The following CDNF variants were observed in gnomAD, a reference collection of about 807,000 sequenced individuals.
CDNF encodes the protein ARMET-like protein 1.
CDNF carries 9 observed loss-of-function variants against 14.8 expected under a neutral mutation model. The observed-to-expected ratio is 0.61, with a 90% CI of 0.37 to 1.06. CDNF has a LOEUF of 1.06. Among genes scored for constraint, CDNF ranks in the 50% least tolerant of loss-of-function variants. The probability of loss-of-function intolerance (pLI) is 0.01; values close to 1 mark genes in which losing one functional copy is unlikely to be tolerated. For missense variants in CDNF, 228 were observed against 228.4 expected (o/e 1.00, Z 0.01); for synonymous variants, 86 against 87.2 (o/e 0.99, Z 0.07).
intron 2 of CDNF, among the ~76,000 whole-genome samples, chr10:14,826,686 C>T (rs1200483179): frequency 6.6e-6 from 1 of 152,164 alleles, no homozygotes; most frequent in African/African-American, 2.4e-5. Flanking sequence ...TTTCTCTGTG[C>T]CAGGTGCTGC....
chr10:14,828,704 C>G (rs1029069294), intron 1 of CDNF, among the ~76,000 whole-genome samples: 1 of 151,174 alleles, frequency 6.6e-6, no homozygotes, highest in Non-Finnish European at 1.5e-5. Context: ...GATTCCAATG[C>G]TAAGTAAGAA....
intron 3 of CDNF, among the ~76,000 whole-genome samples, chr10:14,823,606 G>T (rs971533796): frequency 6.6e-6 from 1 of 152,240 alleles, no homozygotes; most frequent in East Asian, 1.9e-4. Flanking sequence ...CAGCTCACCA[G>T]AGCCTTGACC....
Position 14,826,095 on chromosome 10 carries a change from A to G in CDNF, c.244-475T>C, listed in dbSNP as rs11598216. Reference sequence around the variant, plus strand: ...GAAGAAGAAGAAGAAGAAGAAGAAGAAGCAGCAGCAGCAGCAGCAGCAGCA... The same window carrying G: ...GAAGAAGAAGAAGAAGAAGAAGAAGGAGCAGCAGCAGCAGCAGCAGCAGCA... On this transcript the variant is annotated intron_variant, in intron 2 of 3. Transcript: ENST00000465530. Among the ~76,000 whole-genome samples, 182 of 87,588 alleles carry G rather than the reference A, an allele frequency of 2.1e-3. 4 individuals carry two copies. Among genetic ancestry groups the G allele is most frequent in the African/African-American group, 8.6e-3 (170 of 19,802 alleles). 57.5% of individuals were successfully genotyped at this position (87,588 alleles called of 152,430 possible).
At chr10:14,830,744 G>A (rs1036215162) in intron 1 of CDNF, among the ~76,000 whole-genome samples, 3 of 152,178 alleles carry the variant, frequency 2.0e-5, no homozygotes, top group Admixed American at 1.3e-4. Flanking sequence ...TACTTGGGAG[G>A]CTGAGGCAGG....
At chr10:14,826,095 AAGC>A (rs71505046) in intron 2 of CDNF, among the ~76,000 whole-genome samples, 1,275 of 87,090 alleles carry the variant, frequency 0.015, 33 homozygotes, top group Middle Eastern at 0.027. Context: ...GAAGAAGAAG[AAGC>A]AGCAGCAGCA....
Position 14,828,216 on chromosome 10 carries a change from A to G in CDNF, c.172T>C (p.Phe58Leu). ...YKSLIDRGVN[F>L]SLDTIEKELI... ...TCTTTCTCTATAGTGTCCAGCGAAA[A>G]GTTAACTCCTCTGTCTATCAGTGAC... The change falls in exon 2 of 4, where the codon TTT (phenylalanine) becomes CTT (leucine). Residue 58 changes from phenylalanine to leucine, a missense_variant. Transcript: ENST00000465530. 1.2e-6 allele frequency: 2 copies of G among 1,613,702 alleles called. No individual in the cohort carries two copies. The highest frequency in any genetic ancestry group is 1.7e-6 in the Non-Finnish European group (2 of 1,179,612).
chr10:14,837,777 C>T, intron 1 of CDNF, 55 bp downstream of exon 1: 1 of 1,109,046 alleles, frequency 9.0e-7, no homozygotes, highest in Non-Finnish European at 1.3e-6. Context: ...AAGCCGACAG[C>T]TGCTGCGCCG....
intron 2 of CDNF, among the ~76,000 whole-genome samples, chr10:14,827,052 CAAAAAAAAAAAA>C (rs34308438): frequency 9.4e-5 from 7 of 74,676 alleles, no homozygotes; most frequent in Non-Finnish European, 1.6e-4. Flanking sequence ...CCCGTCTCTA[CAAAAAAAAAAAA>C]AAAAAAAAAA....
chr10:14,825,202 C>T (rs981231474), intron 3 of CDNF, among the ~76,000 whole-genome samples: 3 of 152,094 alleles, frequency 2.0e-5, no homozygotes, highest in South Asian at 2.1e-4. Context: ...GCGATCCGCC[C>T]GTCTCGGCCT....
At chr10:14,827,052 CAA>C (rs34308438) in intron 2 of CDNF, among the ~76,000 whole-genome samples, 28 of 74,638 alleles carry the variant, frequency 3.8e-4, no homozygotes, top group Admixed American at 1.5e-3. Flanking sequence ...CCCGTCTCTA[CAA>C]AAAAAAAAAA....
Position 14,820,082 on chromosome 10 carries a change from C to G in CDNF, c.462G>C (p.Trp154Cys), listed in dbSNP as rs367910630. Residue 154 changes from tryptophan to cysteine, a missense_variant, in exon 4 of 4, where the codon TGG (tryptophan) becomes TGC (cysteine). Physicochemically the swap from Trp to Cys is radical, Grantham distance 215 (BLOSUM62 -2). Coordinates refer to ENST00000465530, the MANE Select transcript of CDNF (RefSeq NM_001029954.3). The part of the protein sequence containing the change: ...VAELKQILHS[W>C]GEECRACAEK... The stretch of plus-strand genomic sequence containing the variant: ...CTGCACAGGCCCTGCACTCCTCCCC[C>G]CAGCTATGCAGGATCTGCTTCAGCT... The G allele has an allele frequency of 1.7e-5, 27 of 1,614,020 alleles. No homozygotes were observed. The highest frequency in any genetic ancestry group is 6.7e-5 in the Admixed American group (4 of 59,998).
chr10:14,829,857 T>C (rs1833830727), intron 1 of CDNF, among the ~76,000 whole-genome samples: 1 of 152,196 alleles, frequency 6.6e-6, no homozygotes, highest in Admixed American at 6.5e-5. Context: ...CTCAAACTCC[T>C]GACCTCAAGT....
At chr10:14,830,898 T>G (rs1833838954) in intron 1 of CDNF, among the ~76,000 whole-genome samples, 1 of 152,282 alleles carries the variant, frequency 6.6e-6, no homozygotes, top group East Asian at 1.9e-4. Flanking sequence ...TGCTGATTCC[T>G]GAGGGTATGA....
At chr10:14,831,747 T>G (rs771364478) in intron 1 of CDNF, among the ~76,000 whole-genome samples, 60 of 152,166 alleles carry the variant, frequency 3.9e-4, no homozygotes, top group Middle Eastern at 3.4e-3. Context: ...GCTAAGTTTT[T>G]GTATTTTTAG....
chr10:14,826,125 A>AGC (rs1833786475), intron 2 of CDNF, among the ~76,000 whole-genome samples: 1 of 137,126 alleles, frequency 7.3e-6, no homozygotes, highest in Non-Finnish European at 1.5e-5. Flanking sequence ...GCAGCAGCAG[A>AGC]AGCAGGAGAA....
At chr10:14,833,141 G>A (rs111900393) in intron 1 of CDNF, among the ~76,000 whole-genome samples, 6 of 152,254 alleles carry the variant, frequency 3.9e-5, no homozygotes, top group African/African-American at 1.4e-4. Context: ...TTACAGGCAT[G>A]AGCCACCATG....
At chr10:14,833,287 G>A (rs983709327) in intron 1 of CDNF, among the ~76,000 whole-genome samples, 2 of 152,150 alleles carry the variant, frequency 1.3e-5, no homozygotes, top group Non-Finnish European at 2.9e-5. Context: ...CCTCCATAAT[G>A]TGGGTGGGCC....
chr10:14,826,161 A>C lies in CDNF; in HGVS notation c.244-541T>G, dbSNP rs1022441809. 2.4e-4 allele frequency among the ~76,000 whole-genome samples: 36 copies of C among 147,226 alleles called. 1 individual carries two copies. The highest frequency in any genetic ancestry group is 9.2e-4 in the African/African-American group (35 of 38,096). ...GGAGAAGGAGAAGGAGAAGAAGAAG[A>C]AGAAGCAGAAGCAGCAGCAGAAGCA... On this transcript the variant is annotated intron_variant, in intron 2 of 3. Transcript: ENST00000465530.
intron 2 of CDNF, among the ~76,000 whole-genome samples, chr10:14,826,593 C>T (rs2131624488): frequency 6.6e-6 from 1 of 152,318 alleles, no homozygotes; most frequent in South Asian, 2.1e-4. Context: ...CAAGTGACTC[C>T]ATTCTCGTGA....
Sources: allele counts gnomAD v4.1 joint callset (sites outside exome capture counted in the v4.1 genomes callset), GRCh38; gene constraint gnomAD v4.1.1; transcripts MANE v1.5; gene names NCBI Gene and HGNC (gene_info 2026-07-23, HGNC 2026-07-21).